Variants in PDE7B observed in about 807,000 individuals in gnomAD.
The protein encoded by PDE7B is phosphodiesterase 7B.
Under a neutral mutation model 56.2 loss-of-function variants are expected in PDE7B, and 29 were observed. That is an observed-to-expected ratio of 0.52 (90% CI 0.38 to 0.70). PDE7B has a LOEUF of 0.70. Ranked by LOEUF, PDE7B falls within the 30% of genes least tolerant of loss-of-function variation. The pLI, the probability that PDE7B is intolerant of heterozygous loss-of-function variation, is 0.00. For synonymous variants in PDE7B, 197 were observed against 196.9 expected, an observed-to-expected ratio of 1.00 and a Z score of 0.00; for missense variants, 490 against 565.0, an observed-to-expected ratio of 0.87 and a Z score of 1.35.
chr6:136,102,551 C>T (rs148501288), intron 2 of PDE7B, among the ~76,000 whole-genome samples: 1 of 152,284 alleles, frequency 6.6e-6, no homozygotes, highest in Non-Finnish European at 1.5e-5. Flanking sequence ...AAGTTGACTC[C>T]TCAAGTTGTT....
At chr6:136,056,553 A>G (rs1246270116) in intron 2 of PDE7B, among the ~76,000 whole-genome samples, 18 of 60,754 alleles carry the variant, frequency 3.0e-4, no homozygotes, top group Middle Eastern at 0.017. Flanking sequence ...TTTTTTTGAC[A>G]AGAGTTTTGC....
At chr6:135,972,935 T>C (rs1014740159) in intron 2 of PDE7B, among the ~76,000 whole-genome samples, 5 of 152,194 alleles carry the variant, frequency 3.3e-5, no homozygotes, top group African/African-American at 1.2e-4. Context: ...TATCATTTTG[T>C]ATTTTTGTAA....
chr6:135,870,969 C>A (rs12216248), intron 1 of PDE7B, among the ~76,000 whole-genome samples: 3 of 151,942 alleles, frequency 2.0e-5, no homozygotes. Flanking sequence ...GAGCCCTGCC[C>A]GAAGAGCTCA....
chr6:136,147,572 G>A (rs1778438131), intron 4 of PDE7B, 70 bp downstream of exon 4: 1 of 1,319,786 alleles, frequency 7.6e-7, no homozygotes, highest in African/African-American at 1.4e-5. Flanking sequence ...TGATAGCACT[G>A]GTGTTGGAGT....
At chr6:136,107,151 T>G (rs1202648028) in intron 2 of PDE7B, among the ~76,000 whole-genome samples, 1 of 152,160 alleles carries the variant, frequency 6.6e-6, no homozygotes, top group Non-Finnish European at 1.5e-5. Context: ...AGCATATCAG[T>G]TGCATGAGTT....
chr6:135,899,996 T>A (rs933152878), intron 1 of PDE7B, among the ~76,000 whole-genome samples: 3 of 152,174 alleles, frequency 2.0e-5, no homozygotes, highest in Non-Finnish European at 4.4e-5. Flanking sequence ...AAACTTCAAA[T>A]TCTAGTTATT....
chr6:136,157,575 C>G lies in PDE7B; in HGVS notation c.711+1817C>G, dbSNP rs138835389. Among the ~76,000 whole-genome samples, 25 of 152,178 alleles carry G rather than the reference C, an allele frequency of 1.6e-4. No homozygotes were observed. The East Asian group carries it at 4.6e-3, about 28-fold the overall frequency. ...CCTGGGCAACAGAGGGAGACTCCGT[C>G]TCAAAGAAAAAGCAAAGGAAAGAAA... On this transcript the variant is annotated intron_variant, in intron 8 of 12. Transcript: ENST00000308191.
At chr6:135,935,164 AGAGAATTT>A (rs1774391123) in intron 1 of PDE7B, among the ~76,000 whole-genome samples, 1 of 90,000 alleles carries the variant, frequency 1.1e-5, no homozygotes, top group African/African-American at 5.8e-5. Flanking sequence ...TATATGAGAC[AGAGAATTT>A]TATATATATA....
At chr6:136,005,591 A>C (rs140977739) in intron 2 of PDE7B, among the ~76,000 whole-genome samples, 2 of 152,168 alleles carry the variant, frequency 1.3e-5, no homozygotes, top group Non-Finnish European at 2.9e-5. Context: ...GCAGCCAAAA[A>C]ACACATGAAA....
intron 8 of PDE7B, among the ~76,000 whole-genome samples, chr6:136,173,151 T>C (rs141851011): frequency 3.2e-3 from 490 of 152,270 alleles, no homozygotes; most frequent in African/African-American, 0.011. Flanking sequence ...TGGAAAAAAC[T>C]ACTTTAAAGT....
intron 1 of PDE7B, among the ~76,000 whole-genome samples, chr6:135,934,860 T>TAAAAA (rs1774375389): frequency 9.9e-6 from 1 of 101,222 alleles, no homozygotes; most frequent in Non-Finnish European, 1.9e-5. Context: ...AATAAATATA[T>TAAAAA]ATAAAAATAT....
At chr6:135,888,173 TAA>T (rs1775742771) in intron 1 of PDE7B, among the ~76,000 whole-genome samples, 1 of 152,188 alleles carries the variant, frequency 6.6e-6, no homozygotes, top group Non-Finnish European at 1.5e-5. Context: ...AGTTTCGTTT[TAA>T]AGACTTTTAT....
intron 2 of PDE7B, among the ~76,000 whole-genome samples, chr6:135,984,950 C>G: frequency 6.6e-6 from 1 of 151,510 alleles, no homozygotes; most frequent in East Asian, 1.9e-4. Context: ...CAGAAACAAA[C>G]AAAAAAAATG....
At chr6:136,115,016 C>T (rs1777808449) in intron 3 of PDE7B, 1 of 152,060 alleles carries the variant, frequency 6.6e-6, no homozygotes. Flanking sequence ...GGCGATGTCC[C>T]GACTCTCCCT....
intron 2 of PDE7B, among the ~76,000 whole-genome samples, chr6:136,104,999 CA>C (rs1254603899): frequency 1.3e-5 from 2 of 152,160 alleles, no homozygotes; most frequent in East Asian, 3.9e-4. Context: ...CACCTAGCTC[CA>C]TTGTTACTTG....
intron 2 of PDE7B, among the ~76,000 whole-genome samples, chr6:135,997,364 T>C (rs1775583287): frequency 8.4e-6 from 1 of 118,782 alleles, no homozygotes; most frequent in African/African-American, 3.3e-5. Flanking sequence ...CAATGAGCCA[T>C]GATCATGCCA....
intron 2 of PDE7B, among the ~76,000 whole-genome samples, chr6:136,048,791 T>C (rs1468149113): frequency 6.6e-6 from 1 of 152,204 alleles, no homozygotes; most frequent in East Asian, 1.9e-4. Context: ...TCATTGACCA[T>C]ATTTGTAAGA....
At chr6:135,911,613 C>T (rs1776213504) in intron 1 of PDE7B, among the ~76,000 whole-genome samples, 1 of 152,260 alleles carries the variant, frequency 6.6e-6, no homozygotes, top group African/African-American at 2.4e-5. Context: ...ACCATGCTAT[C>T]TATGTGTTTT....
At position 136,191,601 on chromosome 6, in the gene PDE7B, T is replaced by C. The variant is rs539499824; in HGVS notation, c.1127-13T>C. 6.0e-5 allele frequency: 97 copies of C among 1,610,430 alleles called. 3 individuals are homozygous for C. In the South Asian group the frequency reaches 9.2e-4, roughly 15 times the overall value. On this transcript the variant is annotated splice_polypyrimidine_tract_variant and intron_variant, in intron 12 of 12. Transcript: ENST00000308191. ...CCACGCTGTGATGCTGAGCCTTGAC[T>C]TGCCTGTTCTAGGTTTCATGAGCTA...
Sources: gnomAD v4.1 joint callset for allele counts (sites outside exome capture counted in the v4.1 genomes callset) on GRCh38, gnomAD v4.1.1 for gene constraint, MANE v1.5 for transcripts, NCBI Gene and HGNC (gene_info 2026-07-23, HGNC 2026-07-21) for gene names.